The following ABHD16A variants were observed in gnomAD, a reference collection of about 807,000 sequenced individuals.
The protein encoded by ABHD16A is abhydrolase domain containing 16A, phospholipase.
A neutral mutation model predicts 89.8 loss-of-function variants in ABHD16A; 47 were observed. The observed-to-expected ratio is 0.52, with a 90% confidence interval of 0.41 to 0.67. The LOEUF (loss-of-function observed/expected upper bound fraction) is 0.67. Among genes scored for constraint, ABHD16A ranks in the 30% least tolerant of loss-of-function variants. The probability of loss-of-function intolerance (pLI) is 0.00; values close to 1 mark genes in which losing one functional copy is unlikely to be tolerated. For missense variants in ABHD16A, 580 were observed against 734.6 expected (o/e 0.79, Z 2.43); for synonymous variants, 251 against 280.4 (o/e 0.90, Z 1.05).
chr6:31,702,650 C>T lies in ABHD16A; in HGVS notation c.132+500G>A, dbSNP rs1463941499. ...CTCTCCAGAATACAATGACTCGGGT[C>T]TCCAGGCTAGGTTGGGCGGGGGTTG... On this transcript the variant is annotated intron_variant, in intron 1 of 19. Transcript: ENST00000395952. The T allele has an allele frequency of 5.2e-6, 8 of 1,531,664 alleles. No individual in the cohort carries two copies. The Admixed American group carries it at 6.7e-5, about 13-fold the overall frequency. 94.9% of individuals were successfully genotyped at this position (1,531,664 alleles called of 1,614,324 possible). A position where few individuals can be genotyped will look rare whatever the true frequency, so the allele number is the denominator to read the frequency against.
In ABHD16A at chr6:31,698,013, T is replaced by C. The variant is rs547086898; in HGVS notation, c.344-980A>G. 1.1e-3 allele frequency among the ~76,000 whole-genome samples: 165 copies of C among 152,322 alleles called. 1 individual carries two copies. Among genetic ancestry groups the C allele is most frequent in the Non-Finnish European group, 1.7e-3 (113 of 68,022 alleles). ...AGAACTTTATGTGTCATCAATGGTA[T>C]TCCCCCAAAACGATATGATGAGAGA... On this transcript the variant is annotated intron_variant, in intron 4 of 19. Transcript: ENST00000395952. The surrounding 1 kb of genome is among the most constrained non-coding windows in gnomAD (Gnocchi z 4.1).
chr6:31,693,174 A>G lies in ABHD16A; in HGVS notation c.504-25T>C, dbSNP rs369308220. The G allele has an allele frequency of 2.7e-5, 43 of 1,608,718 alleles. No individual in the cohort carries two copies. The African/African-American group carries it at 5.1e-4, about 19-fold the overall frequency. On this transcript the variant is annotated intron_variant, in intron 6 of 19. Transcript: ENST00000395952. The surrounding 1 kb of genome is among the most constrained non-coding windows in gnomAD (Gnocchi z 5.0). ...CCTGAGGAAGGGAAAGATGCAGGGA[A>G]GGATAGGGTCAGGAGCAGCAAGCTG...
At chr6:31,701,385 A>C (rs768380305) in intron 2 of ABHD16A, 45 bp from the exon 3 acceptor site, 1 of 1,470,938 alleles carries the variant, frequency 6.8e-7, no homozygotes, top group African/African-American at 1.4e-5. Flanking sequence ...ACACACACAC[A>C]CACACCTGCC....
chr6:31,702,487 G>A, intron 1 of ABHD16A: 1 of 989,400 alleles, frequency 1.0e-6, no homozygotes. Context: ...AAGAAGGAAA[G>A]AAAAGCATCA....
chr6:31,694,497 TC>T (rs1804213604), intron 5 of ABHD16A, among the ~76,000 whole-genome samples: 1 of 147,436 alleles, frequency 6.8e-6, no homozygotes, highest in African/African-American at 2.5e-5. Context: ...TTCACGCCAT[TC>T]TCCCGCCTCA....
chr6:31,697,181 T>C lies in ABHD16A; in HGVS notation c.344-148A>G, dbSNP rs1048591011. 3.0e-5 allele frequency: 21 copies of C among 700,472 alleles called. No individual in the cohort carries two copies. The African/African-American group carries it at 3.6e-4, about 12-fold the overall frequency. 43.4% of individuals were successfully genotyped at this position (700,472 alleles called of 1,614,324 possible). A position where few individuals can be genotyped will look rare whatever the true frequency, so the allele number is the denominator to read the frequency against. On this transcript the variant is annotated intron_variant, in intron 4 of 19. Transcript: ENST00000395952. ...ACTGAGGGCATAGGATGCGGAGAAATAGATGTGAGCCAACCCCCTTCCTCC... is the reference window on the plus strand; with the variant it reads ...ACTGAGGGCATAGGATGCGGAGAAACAGATGTGAGCCAACCCCCTTCCTCC...
Position 31,701,326 on chromosome 6 carries a change from C to T in ABHD16A, c.204G>A (p.Trp68Ter). ...DSILALASVF[W>*]SISYYSSPFA... is the part of the protein sequence containing the mutation. Reference sequence around the variant, plus strand: ...AGGGAGAGGAGTAATAAGAGATGGACCAGAATACTGAAGCCTGCAGCAGAG... The same window carrying T: ...AGGGAGAGGAGTAATAAGAGATGGATCAGAATACTGAAGCCTGCAGCAGAG... Residue 68 changes from tryptophan to a stop codon, truncating the protein, a stop_gained, in exon 3 of 20, where the codon TGG becomes TGA. Coordinates refer to ENST00000395952, the MANE Select transcript of ABHD16A (RefSeq NM_021160.3). LOFTEE classifies it high-confidence loss of function. 1 of 1,613,090 alleles carries T rather than the reference C, an allele frequency of 6.2e-7. No individual in the cohort carries two copies. The highest frequency in any genetic ancestry group is 2.2e-5 in the East Asian group (1 of 44,838).
chr6:31,693,257 C>A lies in ABHD16A; in HGVS notation c.503+102G>T. The A allele has an allele frequency of 6.3e-7, 1 of 1,586,580 alleles. No individual in the cohort carries two copies. The highest frequency in any genetic ancestry group is 1.1e-5 in the South Asian group (1 of 89,388). ...GGAACGACATAATGGCATTGGAAGG[C>A]AGGCACTGTGACCTGAGAGGGCATG... is the stretch of plus-strand genomic sequence containing the variant. On this transcript the variant is annotated intron_variant, in intron 6 of 19. Transcript: ENST00000395952. This position sits in a 1 kb window ranked among gnomAD's most constrained non-coding sequence, Gnocchi z 5.0.
intron 1 of ABHD16A, 30 bp from the exon 2 acceptor site, chr6:31,702,160 C>G (rs1055313415): frequency 3.1e-6 from 5 of 1,611,368 alleles, no homozygotes; most frequent in Non-Finnish European, 4.2e-6. Context: ...CCTTAAGGAC[C>G]CTGCCCACTG....
At chr6:31,695,993 G>A (rs1350041700) in intron 5 of ABHD16A, among the ~76,000 whole-genome samples, 1 of 151,060 alleles carries the variant, frequency 6.6e-6, no homozygotes. Context: ...GTGAAACCCC[G>A]TCTCTACTAA....
chr6:31,703,141 T>C lies in ABHD16A; in HGVS notation c.132+9A>G, dbSNP rs1805191564. On this transcript the variant is annotated intron_variant, in intron 1 of 19. Coordinates refer to ENST00000395952, the MANE Select transcript of ABHD16A (RefSeq NM_021160.3). ...ACCACGTTCTTCGGTGGGGAGGAAC[T>C]CGACTCACCCAGGAGCTGGAATGGG... is the stretch of plus-strand genomic sequence containing the variant. 1 of 1,420,146 alleles carries C rather than the reference T, an allele frequency of 7.0e-7. No homozygotes were observed. Among genetic ancestry groups the C allele is most frequent in the Non-Finnish European group, 9.3e-7 (1 of 1,079,158 alleles). The allele number at this position is 1,420,146 out of a possible 1,614,324, so 88.0% of individuals were successfully genotyped here.
rs1803739689 is a variant in ABHD16A, at chr6:31,690,252, T to C, written c.908-125A>G. The C allele has an allele frequency of 6.4e-6, 6 of 932,344 alleles. No individual in the cohort carries two copies. Among genetic ancestry groups the C allele is most frequent in the East Asian group, 2.7e-5 (1 of 37,598 alleles). 57.8% of individuals were successfully genotyped at this position (932,344 alleles called of 1,614,324 possible). ...AAATAACTCCAAGCCTTCCCAGAAA[T>C]AGGAGATGACACCAGAGGTTCTGAG... On this transcript the variant is annotated intron_variant, in intron 10 of 19. Coordinates refer to ENST00000395952, the MANE Select transcript of ABHD16A (RefSeq NM_021160.3). The surrounding 1 kb of genome is among the most constrained non-coding windows in gnomAD (Gnocchi z 4.1).
chr6:31,694,387 C>CTTTTTTTTTTTTTTT (rs1190272819), intron 5 of ABHD16A, among the ~76,000 whole-genome samples: 1 of 77,706 alleles, frequency 1.3e-5, no homozygotes, highest in Non-Finnish European at 2.3e-5. Flanking sequence ...GGAGCTGTGT[C>CTTTTTTTTTTTTTTT]TTTTTTTTTT....
intron 5 of ABHD16A, among the ~76,000 whole-genome samples, chr6:31,694,165 C>A (rs1159332661): frequency 6.6e-6 from 1 of 151,890 alleles, no homozygotes; most frequent in Non-Finnish European, 1.5e-5. Flanking sequence ...AAGTGATCCT[C>A]CTACCTTAGC....
In ABHD16A at chr6:31,700,044, G is replaced by A. The variant is rs145661458; in HGVS notation, c.343+898C>T. 5.6e-4 allele frequency among the ~76,000 whole-genome samples: 85 copies of A among 152,080 alleles called. 1 individual carries two copies. The highest frequency in any genetic ancestry group is 4.6e-3 in the East Asian group (24 of 5,168). ...ATTACAGGCATGAGCCACTGCACCT[G>A]GCTTCATCTGCGTTGTTGAGCGTAG... is the stretch of plus-strand genomic sequence containing the variant. On this transcript the variant is annotated intron_variant, in intron 4 of 19. Transcript: ENST00000395952.
chr6:31,699,096 T>A (rs1460500016), intron 4 of ABHD16A, among the ~76,000 whole-genome samples: 2 of 151,906 alleles, frequency 1.3e-5, no homozygotes, highest in African/African-American at 4.8e-5. Context: ...AGGTAATCAC[T>A]CTCCTAACTT....
Position 31,689,668 on chromosome 6 carries a change from C to T in ABHD16A, c.994G>A (p.Asp332Asn). ...TGGATGGCAAACTGGACCACCACAT[C>T]CATGGCATTAGCCTCATTCTGCGGG... ...PFPQNEANAM[D>N]VVVQFAIHRL... The change falls in exon 12 of 20, where the codon GAT becomes AAT. Residue 332 changes from aspartate to asparagine, a missense_variant. Coordinates refer to ENST00000395952, the MANE Select transcript of ABHD16A (RefSeq NM_021160.3). The T allele has an allele frequency of 6.2e-7, 1 of 1,612,664 alleles. No homozygotes were observed. Among genetic ancestry groups the T allele is most frequent in the Non-Finnish European group, 8.5e-7 (1 of 1,179,792 alleles).
chr6:31,702,778 C>A (rs1393184700), intron 1 of ABHD16A: 3 of 1,474,726 alleles, frequency 2.0e-6, no homozygotes, highest in Admixed American at 2.7e-5. Context: ...TGAAGAGGCA[C>A]TGAAGAAGAG....
At chr6:31,700,479 C>T (rs550702578) in intron 4 of ABHD16A, among the ~76,000 whole-genome samples, 5 of 152,170 alleles carry the variant, frequency 3.3e-5, no homozygotes, top group Admixed American at 6.5e-5. Flanking sequence ...TTGTTTCCAG[C>T]TTAGGATTAT....
Sources: allele counts gnomAD v4.1 joint callset (sites outside exome capture counted in the v4.1 genomes callset), GRCh38; gene constraint gnomAD v4.1.1; non-coding constraint Gnocchi (gnomAD v3.1); transcripts MANE v1.5; gene names NCBI Gene and HGNC (gene_info 2026-07-23, HGNC 2026-07-21).